Variants in TENM3 observed in about 807,000 individuals in gnomAD.
TENM3 encodes teneurin-3.
TENM3 carries 63 observed loss-of-function variants against 255.1 expected under a neutral mutation model. That is an observed-to-expected ratio of 0.25 (90% confidence interval 0.20 to 0.30). TENM3 has a LOEUF of 0.30. Among genes scored for constraint, TENM3 ranks in the 10% least tolerant of loss-of-function variants. The pLI is 1.00. For missense variants in TENM3, 2,929 were observed against 3,461.1 expected (o/e 0.85, Z 3.86); for synonymous variants, 1,306 against 1,322.3 (o/e 0.99, Z 0.27).
intron 1 of TENM3, among the ~76,000 whole-genome samples, chr4:182,261,381 T>C (rs1229904284): frequency 1.3e-5 from 2 of 152,164 alleles, no homozygotes; most frequent in African/African-American, 4.8e-5. Flanking sequence ...TGGGCAGTTA[T>C]GGCTGTTCCG....
At chr4:182,598,963 C>T (rs1380661759) in intron 3 of TENM3, among the ~76,000 whole-genome samples, 2 of 152,142 alleles carry the variant, frequency 1.3e-5, no homozygotes, top group Non-Finnish European at 2.9e-5. Flanking sequence ...TCTTTCATGG[C>T]ATCATGGAGT....
chr4:182,406,132 C>A (rs901757773), intron 3 of TENM3, among the ~76,000 whole-genome samples: 8 of 151,946 alleles, frequency 5.3e-5, no homozygotes, highest in Non-Finnish European at 1.2e-4. Context: ...ATGATGAAAC[C>A]CTGTCTCTAC....
intron 3 of TENM3, among the ~76,000 whole-genome samples, chr4:182,406,346 A>T (rs1769580078): frequency 6.6e-6 from 1 of 152,178 alleles, no homozygotes; most frequent in Non-Finnish European, 1.5e-5. Context: ...AGGCTTTTGC[A>T]GAAGCCTGGG....
At chr4:181,666,794 C>A in the TENM3 span, among the ~76,000 whole-genome samples, 1 of 152,062 alleles carries the variant, frequency 6.6e-6, no homozygotes, top group African/African-American at 2.4e-5. Context: ...AGTAAGTTTC[C>A]TTACTGTTTT....
the TENM3 span, among the ~76,000 whole-genome samples, chr4:181,933,477 T>C: frequency 5.3e-5 from 8 of 152,178 alleles, no homozygotes; most frequent in African/African-American, 1.7e-4. Flanking sequence ...TATGAACTTT[T>C]GTCGTCTGAT....
chr4:181,491,179 CAG>C, the TENM3 span, among the ~76,000 whole-genome samples: 3 of 151,502 alleles, frequency 2.0e-5, no homozygotes, highest in Admixed American at 6.6e-5. Context: ...TTTATTAAGA[CAG>C]AATGGGAGTG....
chr4:181,796,824 G>A, the TENM3 span, among the ~76,000 whole-genome samples: 1 of 152,190 alleles, frequency 6.6e-6, no homozygotes. Context: ...TCCAAAGGGT[G>A]GTGTTGCATC....
chr4:182,152,070 T>G (rs1462455934), intron 1 of TENM3, among the ~76,000 whole-genome samples: 1 of 151,972 alleles, frequency 6.6e-6, no homozygotes, highest in East Asian at 1.9e-4. Context: ...TAGCTAATAC[T>G]TCCAGAAAAT....
intron 1 of TENM3, among the ~76,000 whole-genome samples, chr4:182,209,282 TA>T (rs34530113): frequency 0.85 from 123,702 of 145,714 alleles, 52,819 homozygotes; most frequent in Non-Finnish European, 0.89. Context: ...TGTCCCTCTT[TA>T]AAAAAAAAAA....
the TENM3 span, among the ~76,000 whole-genome samples, chr4:182,102,320 T>G: frequency 6.6e-6 from 1 of 152,170 alleles, no homozygotes; most frequent in Admixed American, 6.5e-5. Flanking sequence ...ATCAGACTAC[T>G]TGGTGTTGGG....
intron 3 of TENM3, among the ~76,000 whole-genome samples, chr4:182,452,350 G>A (rs558020928): frequency 6.6e-6 from 1 of 151,234 alleles, no homozygotes; most frequent in Non-Finnish European, 1.5e-5. Flanking sequence ...GGGCGGGGGG[G>A]TGTCCAGTAA....
the TENM3 span, among the ~76,000 whole-genome samples, chr4:181,860,631 C>CA: frequency 6.6e-6 from 1 of 152,076 alleles, no homozygotes; most frequent in Non-Finnish European, 1.5e-5. Flanking sequence ...ATCAGGTTGA[C>CA]GAAGGGCAGA....
intron 3 of TENM3, among the ~76,000 whole-genome samples, chr4:182,470,123 T>A (rs983597568): frequency 6.6e-6 from 1 of 152,188 alleles, no homozygotes; most frequent in Non-Finnish European, 1.5e-5. Flanking sequence ...CTGTAGAAAC[T>A]GGCTTCGTAA....
the TENM3 span, among the ~76,000 whole-genome samples, chr4:181,915,113 G>A: frequency 6.6e-6 from 1 of 152,092 alleles, no homozygotes; most frequent in South Asian, 2.1e-4. Context: ...GGAGGACAAG[G>A]CATTTTCAAC....
the TENM3 span, among the ~76,000 whole-genome samples, chr4:181,571,809 G>A: frequency 6.6e-6 from 1 of 152,024 alleles, no homozygotes; most frequent in Non-Finnish European, 1.5e-5. Flanking sequence ...AAAGTGTTTT[G>A]TTCCATCCTT....
the TENM3 span, among the ~76,000 whole-genome samples, chr4:181,712,238 G>A: frequency 1.3e-5 from 2 of 152,124 alleles, no homozygotes; most frequent in African/African-American, 4.8e-5. Flanking sequence ...CAAATCTCAT[G>A]TTGAACTATA....
At chr4:181,526,361 C>T in the TENM3 span, among the ~76,000 whole-genome samples, 1 of 151,936 alleles carries the variant, frequency 6.6e-6, no homozygotes, top group Non-Finnish European at 1.5e-5. Flanking sequence ...TTGACCCTGT[C>T]AAACCCATAT....
At chr4:182,282,941 C>T (rs1452807933) in intron 1 of TENM3, among the ~76,000 whole-genome samples, 1 of 147,778 alleles carries the variant, frequency 6.8e-6, no homozygotes, top group African/African-American at 2.5e-5. Flanking sequence ...TCTCCTAGTA[C>T]ATGCTTATAT....
At chr4:182,648,727 T>C (rs923366751) in intron 5 of TENM3, among the ~76,000 whole-genome samples, 11 of 152,208 alleles carry the variant, frequency 7.2e-5, no homozygotes, top group African/African-American at 2.7e-4. Context: ...CACTACCTGT[T>C]CCTTCCTTCC....
Sources: allele counts gnomAD v4.1 joint callset (sites outside exome capture counted in the v4.1 genomes callset), GRCh38; gene constraint gnomAD v4.1.1; transcripts MANE v1.5; gene names NCBI Gene and HGNC (gene_info 2026-07-23, HGNC 2026-07-21).